The following SPEG variants were observed in gnomAD, a reference collection of about 807,000 sequenced individuals.
The protein encoded by SPEG is striated muscle preferentially expressed protein kinase.
A neutral mutation model predicts 300.4 loss-of-function variants in SPEG; 114 were observed. The observed-to-expected ratio is 0.38, with a 90% CI of 0.33 to 0.44. The LOEUF is 0.44. Among genes scored for constraint, SPEG ranks in the 20% least tolerant of loss-of-function variants. The probability of loss-of-function intolerance (pLI) is 1.00; values close to 1 mark genes in which losing one functional copy is unlikely to be tolerated. For missense variants in SPEG, 4,201 were observed against 4,586.2 expected (o/e 0.92, Z 2.43); for synonymous variants, 1,964 against 2,018.9 (o/e 0.97, Z 0.73).
At chr2:219,466,964 C>A in intron 9 of SPEG, 1 of 1,049,900 alleles carries the variant, frequency 9.5e-7, no homozygotes, top group Non-Finnish European at 1.3e-6. Context: ...ATGAATCACC[C>A]TCCCTGGCCC....
intron 1 of SPEG, among the ~76,000 whole-genome samples, chr2:219,436,356 G>A (rs1473218046): frequency 6.6e-6 from 1 of 152,238 alleles, no homozygotes; most frequent in African/African-American, 2.4e-5. Context: ...CCTTGAGTAA[G>A]CCAAGTGGTA....
intron 9 of SPEG, chr2:219,465,984 TGTGTGTGCGC>T: frequency 1.5e-6 from 2 of 1,307,804 alleles, no homozygotes; most frequent in Non-Finnish European, 2.2e-6. Flanking sequence ...TGTGCATGTG[TGTGTGTGCGC>T]GTGCGTGCGC....
At position 219,464,934 on chromosome 2, in the gene SPEG, T is replaced by C. The variant is rs1270175771; in HGVS notation, c.2881+326T>C. ...CTCTCTACACTCTTCTGAGCCTTTG[T>C]CACCCTGCTCTGCCCAGGACCCTCC... On this transcript the variant is annotated intron_variant, in intron 9 of 40. Coordinates refer to ENST00000312358, the MANE Select transcript of SPEG (RefSeq NM_005876.5). The surrounding 1 kb of genome is among the most constrained non-coding windows in gnomAD (Gnocchi z 4.5). 1 of 280,010 alleles carries C rather than the reference T, an allele frequency of 3.6e-6. No individual in the cohort carries two copies. Among genetic ancestry groups the C allele is most frequent in the Non-Finnish European group, 6.8e-6 (1 of 147,494 alleles). 17.3% of individuals were successfully genotyped at this position (280,010 alleles called of 1,614,324 possible). A position where few individuals can be genotyped will look rare whatever the true frequency, so the allele number is the denominator to read the frequency against.
At position 219,480,099 on chromosome 2, in the gene SPEG, G is replaced by A. The variant is rs753067901; in HGVS notation, c.5301G>A (p.Glu1767=). 6.2e-7 allele frequency: 1 copy of A among 1,613,972 alleles called. No individual in the cohort carries two copies. The highest frequency in any genetic ancestry group is 1.1e-5 in the South Asian group (1 of 91,082). The change falls in exon 25 of 41, where the codon GAG becomes GAA. Residue 1767 remains glutamate, a synonymous_variant. Coordinates refer to ENST00000312358, the MANE Select transcript of SPEG (RefSeq NM_005876.5). The surrounding 1 kb of genome is among the most constrained non-coding windows in gnomAD (Gnocchi z 5.3). Reference sequence around the variant, plus strand: ...GCACACCTGAGTTTGTAGCACCCGAGATTGTCAATCAGAGCCCCGTGTCTG... The same window carrying A: ...GCACACCTGAGTTTGTAGCACCCGAAATTGTCAATCAGAGCCCCGTGTCTG... The part of the protein sequence containing the change: ...QYGTPEFVAP[E]IVNQSPVSGV...
chr2:219,450,850 T>G (rs566472694), intron 4 of SPEG: 65 of 323,884 alleles, frequency 2.0e-4, no homozygotes, highest in Non-Finnish European at 5.1e-5. Context: ...AGTGCAGTCC[T>G]GTCTTTCTCC....
intron 6 of SPEG, 139 bp from the exon 7 acceptor site, chr2:219,461,743 G>T: frequency 1.0e-6 from 1 of 987,524 alleles, no homozygotes. Context: ...CGAGGTCGCA[G>T]GAGCCTGGGG....
rs776282465 is a variant in SPEG at position 219,467,394 on chromosome 2, C to T, written c.3102C>T (p.Asp1034=). 2.7e-5 allele frequency: 44 copies of T among 1,611,506 alleles called. No individual in the cohort carries two copies. The highest frequency in any genetic ancestry group is 3.1e-5 in the Non-Finnish European group (37 of 1,179,470). The change falls in exon 10 of 41, where the codon GAC becomes GAT. Residue 1034 remains aspartate (D), a synonymous_variant. Transcript: ENST00000312358. Reference sequence around the variant, plus strand: ...TGCTACTTACATCTGTACATGAGGACGACAGTGGCGTCTACACCTGCAAGC... The same window carrying T: ...TGCTACTTACATCTGTACATGAGGATGACAGTGGCGTCTACACCTGCAAGC... ...CKLLLTSVHE[D]DSGVYTCKLS...
Position 219,467,155 on chromosome 2 carries a change from G to A in SPEG, c.2882-19G>A, listed in dbSNP as rs767257876. On this transcript the variant is annotated intron_variant, in intron 9 of 40. Coordinates refer to ENST00000312358, the MANE Select transcript of SPEG (RefSeq NM_005876.5). The stretch of plus-strand genomic sequence containing the variant: ...TGTCTCTGCTCTGTGCGTGGCCCCC[G>A]TGGCTGCTTTCCCCTCAGCACACCC... 23 of 1,558,006 alleles carry A rather than the reference G, an allele frequency of 1.5e-5. No individual in the cohort carries two copies. The South Asian group carries it at 2.3e-4, about 15-fold the overall frequency.
intron 10 of SPEG, among the ~76,000 whole-genome samples, chr2:219,467,849 G>A (rs980927712): frequency 6.6e-6 from 1 of 152,224 alleles, no homozygotes; most frequent in Non-Finnish European, 1.5e-5. Context: ...CAAAGCACAG[G>A]GCCTGTCAAA....
At chr2:219,469,400 C>T in intron 13 of SPEG, 21 bp downstream of exon 13, 1 of 1,589,214 alleles carries the variant, frequency 6.3e-7, no homozygotes, top group Non-Finnish European at 8.6e-7. Flanking sequence ...GGGAAGTTCC[C>T]CGGGAGTGTC....
chr2:219,448,058 G>T lies in SPEG; in HGVS notation c.900G>T (p.Gln300His). 4 of 1,611,160 alleles carry T rather than the reference G, an allele frequency of 2.5e-6. No homozygotes were observed. Among genetic ancestry groups the T allele is most frequent in the Non-Finnish European group, 2.5e-6 (3 of 1,179,438 alleles). ...GCGAAGCCCCACGCCGCCCTGCCCA[G>T]CCGCCTCCTTCCAAATCCGCGCTGC... ...LASEAPRRPA[Q>H]PPPSKSALLP... The change falls in exon 4 of 41, where the codon CAG (glutamine) becomes CAT (histidine). Residue 300 changes from glutamine (Q) to histidine (H), a missense_variant. Physicochemically the swap from Gln to His is conservative, Grantham distance 24 (BLOSUM62 0). This residue lies in a region of SPEG where 1,258 missense variants were observed against 1,293.9 expected (regional missense o/e 0.97). Transcript: ENST00000312358.
At chr2:219,476,429 G>A (rs1181553394) in intron 18 of SPEG, among the ~76,000 whole-genome samples, 1 of 152,186 alleles carries the variant, frequency 6.6e-6, no homozygotes, top group Non-Finnish European at 1.5e-5. Context: ...GTGAAGAAGG[G>A]CGGCCACCCA....
chr2:219,435,463 C>A, intron 1 of SPEG, 98 bp downstream of exon 1: 1 of 1,273,610 alleles, frequency 7.9e-7, no homozygotes, highest in Non-Finnish European at 1.0e-6. Flanking sequence ...GATACTGGTT[C>A]CGCCGCCTTC....
Position 219,439,103 on chromosome 2 carries a change from T to C in SPEG, c.388+3738T>C, listed in dbSNP as rs1452655040. On this transcript the variant is annotated intron_variant, in intron 1 of 40. Transcript: ENST00000312358. This position sits in a 1 kb window ranked among gnomAD's most constrained non-coding sequence, Gnocchi z 4.5. ...TCTGGGACCCTCTCCAGGGGAATCC[T>C]GAGTGGAATGAGAGATGGTCACTTT... 1.3e-5 allele frequency among the ~76,000 whole-genome samples: 2 copies of C among 152,094 alleles called. No individual in the cohort carries two copies. Among genetic ancestry groups the C allele is most frequent in the African/African-American group, 4.8e-5 (2 of 41,398 alleles).
At chr2:219,472,455 G>A in intron 15 of SPEG, 124 bp downstream of exon 15, 2 of 817,540 alleles carry the variant, frequency 2.4e-6, no homozygotes, top group Non-Finnish European at 3.9e-6. Context: ...ATGGAATGCT[G>A]GTGGGACCAG....
intron 1 of SPEG, among the ~76,000 whole-genome samples, chr2:219,437,836 A>G (rs758662269): frequency 2.6e-5 from 4 of 152,118 alleles, no homozygotes; most frequent in Non-Finnish European, 4.4e-5. Context: ...CCGGGCAAGC[A>G]GCTCGGCATT....
rs764982861 is a variant in SPEG at position 219,490,806 on chromosome 2, C to T, written c.9235C>T (p.His3079Tyr). The T allele has an allele frequency of 1.6e-5, 26 of 1,613,966 alleles. 1 individual carries two copies. In the South Asian group the frequency reaches 2.7e-4, roughly 17 times the overall value. The change falls in exon 38 of 41, where the codon CAC (histidine) becomes TAC (tyrosine). Residue 3079 changes from histidine to tyrosine, a missense_variant. Physicochemically the swap from His to Tyr is moderately conservative, Grantham distance 83. Around this residue, in one of 4 missense-constraint regions of SPEG, gnomAD observed 318 missense variants for 429.5 expected, o/e 0.74. Coordinates refer to ENST00000312358, the MANE Select transcript of SPEG (RefSeq NM_005876.5). Reference sequence around the variant, plus strand: ...ACAAGGCCTGGACTACCTCCACGGCCACCACGTGCTCCACCTAGACATCAA... The same window carrying T: ...ACAAGGCCTGGACTACCTCCACGGCTACCACGTGCTCCACCTAGACATCAA... ...LLQGLDYLHG[H>Y]HVLHLDIKPD...
At chr2:219,453,589 C>G (rs57739868) in intron 6 of SPEG, among the ~76,000 whole-genome samples, 1 of 152,178 alleles carries the variant, frequency 6.6e-6, no homozygotes, top group Non-Finnish European at 1.5e-5. Context: ...ATTTCCCAGC[C>G]CCTGTGTCCT....
chr2:219,491,929 C>T, intron 39 of SPEG, 60 bp downstream of exon 39: 2 of 1,463,472 alleles, frequency 1.4e-6, no homozygotes, highest in Non-Finnish European at 1.9e-6. Flanking sequence ...CCCGGACTCA[C>T]CTTCTGCCAA....
Sources: allele counts gnomAD v4.1 joint callset (sites outside exome capture counted in the v4.1 genomes callset), GRCh38; gene constraint gnomAD v4.1.1; regional missense constraint gnomAD v4.1.1; non-coding constraint Gnocchi (gnomAD v3.1); transcripts MANE v1.5; gene names NCBI Gene and HGNC (gene_info 2026-07-23, HGNC 2026-07-21).